SRC: variants seen among roughly 807,000 people sequenced by gnomAD.
The protein encoded by SRC is proto-oncogene tyrosine-protein kinase Src.
SRC carries 13 observed loss-of-function variants against 62.9 expected under a neutral mutation model. That is an observed-to-expected ratio of 0.21 (90% confidence interval 0.13 to 0.33). The LOEUF is 0.33. SRC is among the 10% of genes least tolerant of loss of function. The pLI is 1.00. For missense variants in SRC, 457 were observed against 737.3 expected (o/e 0.62, Z 4.40); for synonymous variants, 302 against 317.5 (o/e 0.95, Z 0.52).
intron 1 of SRC, among the ~76,000 whole-genome samples, chr20:37,358,158 GC>G (rs1223472261): frequency 6.6e-6 from 1 of 152,234 alleles, no homozygotes; most frequent in Non-Finnish European, 1.5e-5. Context: ...ACCCCACAGT[GC>G]TGGCAGGAGG....
At chr20:37,345,958 G>A (rs1343898757), upstream of SRC, among the ~76,000 whole-genome samples, 1 of 151,040 alleles carries the variant, frequency 6.6e-6, no homozygotes, top group African/African-American at 2.4e-5. Flanking sequence ...GGTCTCTCCC[G>A]GGTCACCGGC....
chr20:37,401,397 T>G (rs2070735375), intron 10 of SRC, among the ~76,000 whole-genome samples: 1 of 152,152 alleles, frequency 6.6e-6, no homozygotes, highest in Non-Finnish European at 1.5e-5. Context: ...CCTGTTCACC[T>G]GGAGGTGGAC....
intron 1 of SRC, among the ~76,000 whole-genome samples, chr20:37,359,840 G>A (rs1417670317): frequency 6.6e-6 from 1 of 152,144 alleles, no homozygotes; most frequent in Non-Finnish European, 1.5e-5. Flanking sequence ...TGCTGCCTTA[G>A]TCTAGGGGGT....
At chr20:37,368,518 C>CTTTTTTTTTTGTTTTTTTTTTTTTTT (rs2070101835) in intron 2 of SRC, among the ~76,000 whole-genome samples, 1 of 73,898 alleles carries the variant, frequency 1.4e-5, no homozygotes, top group Non-Finnish European at 2.7e-5. Context: ...CCTATATTTT[C>CTTTTTTTTTTGTTTTTTTTTTTTTTT]TTTTTTTTTT....
rs367543245 is a variant in SRC, at chr20:37,402,581, G to A, written c.1263G>A (p.Ala421=). Residue 421 remains alanine, a synonymous_variant, in exon 12 of 14, where the codon GCG becomes GCA. Coordinates refer to ENST00000373578, the MANE Select transcript of SRC (RefSeq NM_198291.3). This position sits in a 1 kb window ranked among gnomAD's most constrained non-coding sequence, Gnocchi z 6.2. ...TCATTGAAGACAATGAGTACACGGC[G>A]CGGCAAGGTGGGCAGGGGCTGTGTG... The part of the protein sequence containing the change: ...ARLIEDNEYT[A]RQGAKFPIKW... The A allele has an allele frequency of 1.4e-5, 22 of 1,610,754 alleles. No individual in the cohort carries two copies. The highest frequency in any genetic ancestry group is 5.3e-5 in the African/African-American group (4 of 74,806).
intron 5 of SRC, chr20:37,386,578 C>G: frequency 1.4e-6 from 1 of 689,838 alleles, no homozygotes; most frequent in East Asian, 2.7e-5. Context: ...TGATCTCTGG[C>G]TCTCTTGGCT....
chr20:37,345,968 C>A (rs1010673471), upstream of SRC, among the ~76,000 whole-genome samples: 3 of 151,746 alleles, frequency 2.0e-5, no homozygotes, highest in Non-Finnish European at 4.4e-5. Flanking sequence ...GGGTCACCGG[C>A]GGGGAATCCG....
At position 37,396,604 on chromosome 20, in the gene SRC, AG is replaced by A; in HGVS notation, c.703+295del. 2.1e-6 allele frequency: 1 copy of A among 466,978 alleles called. No homozygotes were observed. Among genetic ancestry groups the A allele is most frequent in the Non-Finnish European group, 3.9e-6 (1 of 256,124 alleles). 28.9% of individuals were successfully genotyped at this position (466,978 alleles called of 1,614,324 possible). On this transcript the variant is annotated intron_variant, in intron 8 of 13. Coordinates refer to ENST00000373578, the MANE Select transcript of SRC (RefSeq NM_198291.3). This position sits in a 1 kb window ranked among gnomAD's most constrained non-coding sequence, Gnocchi z 6.1. The stretch of plus-strand genomic sequence containing the variant: ...GGCTGGTATGGAGGGGGCTGCCCTG[AG>A]GAGCCCCAGAGTAAGCTGGAAGGGA...
chr20:37,362,174 C>G (rs1480337246), intron 1 of SRC, among the ~76,000 whole-genome samples: 1 of 152,046 alleles, frequency 6.6e-6, no homozygotes, highest in East Asian at 1.9e-4. Context: ...CCCACCTCGG[C>G]TTCCTGAGTA....
chr20:37,381,133 C>T (rs1204449855), intron 2 of SRC, among the ~76,000 whole-genome samples: 1 of 152,136 alleles, frequency 6.6e-6, no homozygotes, highest in East Asian at 1.9e-4. Context: ...CCACAAACAC[C>T]AGGATCAACC....
intron 2 of SRC, among the ~76,000 whole-genome samples, chr20:37,382,046 G>A (rs1184694641): frequency 1.3e-5 from 2 of 152,164 alleles, no homozygotes; most frequent in African/African-American, 2.4e-5. Flanking sequence ...TAGCTGGGCT[G>A]GGCGCTCAGG....
At chr20:37,348,372 C>T (rs1008915226) in intron 1 of SRC, among the ~76,000 whole-genome samples, 3 of 152,194 alleles carry the variant, frequency 2.0e-5, no homozygotes, top group Admixed American at 6.5e-5. Context: ...TGTTGAGGGA[C>T]CTTCTGCCCA....
intron 3 of SRC, among the ~76,000 whole-genome samples, chr20:37,383,507 A>C (rs2070394953): frequency 1.3e-5 from 2 of 152,090 alleles, no homozygotes; most frequent in South Asian, 4.1e-4. Context: ...CGTGGCTCAG[A>C]TACTGTCCCT....
At chr20:37,347,985 T>TTGGTGATG (rs1441067390) in intron 1 of SRC, among the ~76,000 whole-genome samples, 1 of 152,186 alleles carries the variant, frequency 6.6e-6, no homozygotes, top group South Asian at 2.1e-4. Context: ...CGAGGCCTTT[T>TTGGTGATG]TGGTGATGTG....
intron 1 of SRC, among the ~76,000 whole-genome samples, chr20:37,354,580 AGGCAGG>A (rs1201033076): frequency 2.0e-5 from 3 of 152,088 alleles, no homozygotes; most frequent in African/African-American, 7.2e-5. Flanking sequence ...AAGCCACCCT[AGGCAGG>A]GGCAGGGGCA....
At chr20:37,374,505 T>C (rs2070245979) in intron 2 of SRC, among the ~76,000 whole-genome samples, 1 of 152,068 alleles carries the variant, frequency 6.6e-6, no homozygotes, top group Non-Finnish European at 1.5e-5. Context: ...TTTGGTTTAA[T>C]AGTTTTGCAG....
rs111887860 is a variant in SRC at position 37,349,082 on chromosome 20, C to A, written c.-247+2827C>A. 1.7e-3 allele frequency among the ~76,000 whole-genome samples: 263 copies of A among 152,268 alleles called. 1 individual carries two copies. Among genetic ancestry groups the A allele is most frequent in the African/African-American group, 6.1e-3 (255 of 41,550 alleles). ...GAGGAGTTTGGCCTTCATTGTCACA[C>A]AGGGGGCTGATCGGTGTCCCCTGTG... On this transcript the variant is annotated intron_variant, in intron 1 of 13. Transcript: ENST00000373578.
chr20:37,395,279 T>C (rs1392430144), intron 7 of SRC, among the ~76,000 whole-genome samples: 1 of 152,216 alleles, frequency 6.6e-6, no homozygotes, highest in Non-Finnish European at 1.5e-5. Context: ...TGTAATCTCC[T>C]GAAGATCGCA....
chr20:37,394,393 G>A, intron 7 of SRC, 116 bp downstream of exon 7: 1 of 855,816 alleles, frequency 1.2e-6, no homozygotes, highest in East Asian at 2.6e-5. Flanking sequence ...AACCTTCCGG[G>A]TGGAGGTAAT....
Sources: gnomAD v4.1 joint callset for allele counts (sites outside exome capture counted in the v4.1 genomes callset) on GRCh38, gnomAD v4.1.1 for gene constraint, Gnocchi (gnomAD v3.1) non-coding constraint, MANE v1.5 for transcripts, NCBI Gene and HGNC (gene_info 2026-07-23, HGNC 2026-07-21) for gene names.